MAPK4: variants seen among roughly 807,000 people sequenced by gnomAD.
The protein encoded by MAPK4 is mitogen-activated protein kinase 4.
A neutral mutation model predicts 47.7 loss-of-function variants in MAPK4; 22 were observed. The observed-to-expected ratio is 0.46, with a 90% CI of 0.33 to 0.66. The LOEUF is 0.66. MAPK4 is among the 30% of genes least tolerant of loss of function. The pLI, the probability that MAPK4 is intolerant of heterozygous loss-of-function variation, is 0.02. For missense variants in MAPK4, 736 were observed against 831.7 expected, an observed-to-expected ratio of 0.88 and a Z score of 1.42; for synonymous variants, 390 against 365.7, an observed-to-expected ratio of 1.07 and a Z score of -0.76.
chr18:50,587,677 A>ATTAC (rs2042400499), intron 1 of MAPK4, among the ~76,000 whole-genome samples: 1 of 152,122 alleles, frequency 6.6e-6, no homozygotes, highest in Non-Finnish European at 1.5e-5. Context: ...ATTTTAGCTA[A>ATTAC]TTACTTCACA....
chr18:50,711,978 C>A, intron 2 of MAPK4, among the ~76,000 whole-genome samples: 1 of 152,098 alleles, frequency 6.6e-6, no homozygotes, highest in East Asian at 1.9e-4. Context: ...GACAGCAGGG[C>A]CCTGGTCCAC....
At chr18:50,703,928 A>C (rs1909918219) in intron 2 of MAPK4, among the ~76,000 whole-genome samples, 1 of 152,206 alleles carries the variant, frequency 6.6e-6, no homozygotes, top group Admixed American at 6.5e-5. Flanking sequence ...AGACTCCTGC[A>C]CCCAGACAGG....
intron 4 of MAPK4, among the ~76,000 whole-genome samples, chr18:50,723,660 T>G (rs1484744781): frequency 6.6e-6 from 1 of 152,128 alleles, no homozygotes; most frequent in Non-Finnish European, 1.5e-5. Flanking sequence ...CCCAGGAGTT[T>G]CAGGCCAGCC....
At chr18:50,703,630 T>C (rs1004236875) in intron 2 of MAPK4, among the ~76,000 whole-genome samples, 7 of 152,180 alleles carry the variant, frequency 4.6e-5, no homozygotes, top group African/African-American at 1.7e-4. Flanking sequence ...ACAGGGACCT[T>C]ACCCAGCATT....
At chr18:50,565,835 GGTTT>G (rs980788034) in intron 1 of MAPK4, among the ~76,000 whole-genome samples, 1 of 152,122 alleles carries the variant, frequency 6.6e-6, no homozygotes, top group Non-Finnish European at 1.5e-5. Context: ...ATTCCATCTA[GGTTT>G]GTGTAAGTAT....
At chr18:50,609,311 C>G (rs562918784) in intron 1 of MAPK4, among the ~76,000 whole-genome samples, 161 of 151,550 alleles carry the variant, frequency 1.1e-3, no homozygotes, top group Admixed American at 3.4e-3. Flanking sequence ...AGAGGCGCCC[C>G]CCACCTCCCG....
intron 1 of MAPK4, among the ~76,000 whole-genome samples, chr18:50,612,178 T>C (rs964412588): frequency 3.9e-5 from 6 of 152,224 alleles, no homozygotes; most frequent in Non-Finnish European, 8.8e-5. Flanking sequence ...CTCATTTATG[T>C]CTGGATCTTT....
chr18:50,676,476 G>A (rs1277715970), intron 2 of MAPK4, among the ~76,000 whole-genome samples: 2 of 152,170 alleles, frequency 1.3e-5, no homozygotes, highest in South Asian at 2.1e-4. Context: ...GTCCTCAGGG[G>A]TTTTGTAAAA....
rs569677141 is a variant in MAPK4 at position 50,721,610 on chromosome 18, T to C, written c.692-328T>C. 5.3e-5 allele frequency among the ~76,000 whole-genome samples: 8 copies of C among 152,358 alleles called. No individual in the cohort carries two copies. In the South Asian group the frequency reaches 1.2e-3, roughly 24 times the overall value. On this transcript the variant is annotated intron_variant, in intron 3 of 5. Coordinates refer to ENST00000400384, the MANE Select transcript of MAPK4 (RefSeq NM_002747.4). ...CAGAGAGGTCTATGGGAAGTTGCACTTGGAAGGCCTTGAGCCAGGCTGTTC... is the reference window on the plus strand; with the variant it reads ...CAGAGAGGTCTATGGGAAGTTGCACCTGGAAGGCCTTGAGCCAGGCTGTTC...
chr18:50,696,174 G>A (rs1268182803), intron 2 of MAPK4, among the ~76,000 whole-genome samples: 1 of 151,916 alleles, frequency 6.6e-6, no homozygotes, highest in Non-Finnish European at 1.5e-5. Context: ...GCTCCCAAGA[G>A]TCAGGGCACC....
At chr18:50,625,351 AT>A (rs1312566277) in intron 1 of MAPK4, among the ~76,000 whole-genome samples, 1 of 152,014 alleles carries the variant, frequency 6.6e-6, no homozygotes, top group African/African-American at 2.4e-5. Flanking sequence ...TTATGGCAAG[AT>A]TTTTTTCCTT....
intron 1 of MAPK4, among the ~76,000 whole-genome samples, chr18:50,616,071 G>A (rs1478396705): frequency 6.6e-6 from 1 of 152,192 alleles, no homozygotes; most frequent in Non-Finnish European, 1.5e-5. Flanking sequence ...CACTTCAGGT[G>A]TCGGGGACTG....
intron 2 of MAPK4, among the ~76,000 whole-genome samples, chr18:50,700,829 C>T (rs1909749303): frequency 6.6e-6 from 1 of 152,158 alleles, no homozygotes; most frequent in Non-Finnish European, 1.5e-5. Flanking sequence ...AGCTATTCCA[C>T]TCAAAGTTGC....
At chr18:50,587,742 T>C (rs942537271) in intron 1 of MAPK4, among the ~76,000 whole-genome samples, 1 of 152,180 alleles carries the variant, frequency 6.6e-6, no homozygotes, top group African/African-American at 2.4e-5. Context: ...CTTTCTTTCT[T>C]TTTTGAGATG....
At chr18:50,567,576 G>A (rs901209220) in intron 1 of MAPK4, among the ~76,000 whole-genome samples, 2 of 152,118 alleles carry the variant, frequency 1.3e-5, no homozygotes, top group Admixed American at 6.5e-5. Context: ...TATATTGATA[G>A]CATACTATAA....
chr18:50,731,592 GGTTTT>G lies in MAPK4; in HGVS notation c.*1744_*1748del, dbSNP rs1911566624. 2 of 152,378 alleles carry G rather than the reference GGTTTT, an allele frequency of 1.3e-5. No individual in the cohort carries two copies. The highest frequency in any genetic ancestry group is 2.9e-5 in the Non-Finnish European group (2 of 68,038). 9.4% of individuals were successfully genotyped at this position (152,378 alleles called of 1,614,324 possible). A position where few individuals can be genotyped will look rare whatever the true frequency, so the allele number is the denominator to read the frequency against. ...AAAATATGTAAATAGGAAGTGTTTG[GGTTTT>G]GTTTTTTCTTTAAGAAAAAGAAATG... On this transcript the variant is annotated 3_prime_UTR_variant, in exon 6 of 6. Transcript: ENST00000400384.
At chr18:50,593,464 G>A (rs771860494) in intron 1 of MAPK4, among the ~76,000 whole-genome samples, 6 of 152,212 alleles carry the variant, frequency 3.9e-5, no homozygotes, top group South Asian at 2.1e-4. Context: ...CTTCCTAGCT[G>A]TATATGCTTC....
intron 2 of MAPK4, among the ~76,000 whole-genome samples, chr18:50,679,681 A>G (rs1175242756): frequency 6.6e-6 from 1 of 152,170 alleles, no homozygotes; most frequent in Non-Finnish European, 1.5e-5. Flanking sequence ...CCAGAATTTG[A>G]GAACTTTCCT....
At chr18:50,606,801 A>G (rs1049563245) in intron 1 of MAPK4, among the ~76,000 whole-genome samples, 9 of 152,208 alleles carry the variant, frequency 5.9e-5, no homozygotes, top group African/African-American at 2.2e-4. Flanking sequence ...TTCATGTAGA[A>G]AAACAGGCAG....
Sources: allele counts gnomAD v4.1 joint callset (sites outside exome capture counted in the v4.1 genomes callset), GRCh38; gene constraint gnomAD v4.1.1; transcripts MANE v1.5; gene names NCBI Gene and HGNC (gene_info 2026-07-23, HGNC 2026-07-21).